The following PCDHGB2 variants were observed in gnomAD, a reference collection of about 807,000 sequenced individuals.
The protein encoded by PCDHGB2 is protocadherin gamma-B2.
Under a neutral mutation model 59.3 loss-of-function variants are expected in PCDHGB2, and 55 were observed. The ratio of observed to expected loss-of-function variants is 0.93; its 90% CI spans 0.75 to 1.16. PCDHGB2 has a LOEUF of 1.16. Among genes scored for constraint, PCDHGB2 ranks in the 50% most tolerant of loss-of-function variants. The pLI is 0.00. For synonymous variants in PCDHGB2, 516 were observed against 512.0 expected (o/e 1.01, Z -0.11); for missense variants, 1,228 against 1,198.5 (o/e 1.02, Z -0.36).
chr5:141,489,894 G>T lies in PCDHGB2; in HGVS notation c.2422-4913G>T. 1.2e-6 allele frequency: 2 copies of T among 1,614,204 alleles called. No homozygotes were observed. Among genetic ancestry groups the T allele is most frequent in the Non-Finnish European group, 1.7e-6 (2 of 1,180,028 alleles). The stretch of plus-strand genomic sequence containing the variant: ...TGGTGCTTACTGCTGTGGATGGGGG[G>T]ACCCCAGCCCGCTCAGGGACCACCC... On this transcript the variant is annotated intron_variant, in intron 1 of 3. Transcript: ENST00000522605. The surrounding 1 kb of genome is among the most constrained non-coding windows in gnomAD (Gnocchi z 4.5).
At chr5:141,372,956 T>C in intron 1 of PCDHGB2, 1 of 730,732 alleles carries the variant, frequency 1.4e-6, no homozygotes, top group Non-Finnish European at 2.1e-6. Flanking sequence ...GGAAATTCTT[T>C]GTAGAATTTC....
intron 1 of PCDHGB2, chr5:141,371,080 G>A: frequency 1.2e-6 from 2 of 1,613,876 alleles, no homozygotes; most frequent in Non-Finnish European, 1.7e-6. Flanking sequence ...ACCCAGATCA[G>A]GGTAATTGTC....
chr5:141,393,023 T>G (rs372159245), intron 1 of PCDHGB2: 22 of 1,613,668 alleles, frequency 1.4e-5, no homozygotes, highest in Non-Finnish European at 1.7e-5. Flanking sequence ...TCTCCAGAGG[T>G]AGGACGCAGC....
intron 1 of PCDHGB2, among the ~76,000 whole-genome samples, chr5:141,464,504 T>A (rs1264652523): frequency 6.6e-6 from 1 of 152,046 alleles, no homozygotes; most frequent in Non-Finnish European, 1.5e-5. Context: ...GATTGCTGCA[T>A]CATAAGGTAA....
At chr5:141,459,490 T>C (rs2098968649) in intron 1 of PCDHGB2, among the ~76,000 whole-genome samples, 1 of 152,236 alleles carries the variant, frequency 6.6e-6, no homozygotes, top group Non-Finnish European at 1.5e-5. Context: ...TATTCTGAAT[T>C]AAAGTGATGT....
intron 1 of PCDHGB2, chr5:141,409,449 C>A (rs1317609642): frequency 6.2e-7 from 1 of 1,613,934 alleles, no homozygotes; most frequent in South Asian, 1.1e-5. Flanking sequence ...GAGCAGACAC[C>A]AGAATACAAT....
intron 1 of PCDHGB2, among the ~76,000 whole-genome samples, chr5:141,455,594 G>A (rs1263100982): frequency 6.6e-6 from 1 of 152,112 alleles, no homozygotes; most frequent in Non-Finnish European, 1.5e-5. Context: ...ATATGCAAAC[G>A]TAGGGCGCCA....
Position 141,487,925 on chromosome 5 carries a change from C to T in PCDHGB2, c.2422-6882C>T. 4.8e-6 allele frequency: 3 copies of T among 629,734 alleles called. No homozygotes were observed. The highest frequency in any genetic ancestry group is 8.3e-6 in the Non-Finnish European group (3 of 362,440). 39.0% of individuals were successfully genotyped at this position (629,734 alleles called of 1,614,324 possible). On this transcript the variant is annotated intron_variant, in intron 1 of 3. Coordinates refer to ENST00000522605, the MANE Select transcript of PCDHGB2 (RefSeq NM_018923.3). The surrounding 1 kb of genome is among the most constrained non-coding windows in gnomAD (Gnocchi z 5.0). ...TGTGGGAGCACAGGAGGCTACAGTGCACAGGGTACAGTGCACCAGGCAGTC... is the reference window on the plus strand; with the variant it reads ...TGTGGGAGCACAGGAGGCTACAGTGTACAGGGTACAGTGCACCAGGCAGTC...
chr5:141,400,502 A>C, intron 1 of PCDHGB2: 1 of 1,614,020 alleles, frequency 6.2e-7, no homozygotes, highest in Non-Finnish European at 8.5e-7. Flanking sequence ...AATTCCAGCG[A>C]GTCGACTTCC....
chr5:141,441,800 G>T, intron 1 of PCDHGB2: 1 of 382,594 alleles, frequency 2.6e-6, no homozygotes, highest in Non-Finnish European at 5.2e-6. Flanking sequence ...ACGCACCGCG[G>T]GTGCTGTACC....
rs751047365 is a variant in PCDHGB2 at position 141,419,570 on chromosome 5, G to C, written c.2421+57014G>C. On this transcript the variant is annotated intron_variant, in intron 1 of 3. Transcript: ENST00000522605. ...GCTGTACCCTGCGCTGGGTCCCGAC[G>C]GCTCCGCGCTCTTCGACACAGTGCC... 5.6e-6 allele frequency: 9 copies of C among 1,611,766 alleles called. No individual in the cohort carries two copies. The South Asian group carries it at 8.8e-5, about 16-fold the overall frequency.
chr5:141,384,753 G>A, intron 1 of PCDHGB2: 2 of 1,614,010 alleles, frequency 1.2e-6, no homozygotes, highest in Non-Finnish European at 1.7e-6. Flanking sequence ...GACTCTTTGC[G>A]GTTGGGCTGT....
intron 3 of PCDHGB2, among the ~76,000 whole-genome samples, chr5:141,509,022 C>G (rs2099873807): frequency 6.6e-6 from 1 of 152,206 alleles, no homozygotes; most frequent in East Asian, 1.9e-4. Context: ...CAGCTGCTCC[C>G]TCCCACTCAA....
chr5:141,368,577 T>G (rs1765736548), intron 1 of PCDHGB2, among the ~76,000 whole-genome samples: 1 of 152,068 alleles, frequency 6.6e-6, no homozygotes, highest in Admixed American at 6.5e-5. Flanking sequence ...CTTCTTAGGG[T>G]AAGGTGTTTG....
intron 1 of PCDHGB2, among the ~76,000 whole-genome samples, chr5:141,444,357 G>C (rs1258703336): frequency 3.3e-5 from 5 of 151,798 alleles, no homozygotes; most frequent in African/African-American, 9.7e-5. Flanking sequence ...TTTTAGTAGA[G>C]ACGGGGTTTC....
chr5:141,410,399 G>A, intron 1 of PCDHGB2: 1 of 1,614,044 alleles, frequency 6.2e-7, no homozygotes. Flanking sequence ...TGGTCTCTGT[G>A]TCAAGTCTGG....
chr5:141,410,719 A>G, intron 1 of PCDHGB2: 3 of 1,407,980 alleles, frequency 2.1e-6, no homozygotes, highest in Non-Finnish European at 2.9e-6. Context: ...TCATATGTTT[A>G]AAATCCATAG....
At chr5:141,410,097 T>G (rs745439318) in intron 1 of PCDHGB2, 3 of 1,612,664 alleles carry the variant, frequency 1.9e-6, no homozygotes, top group Non-Finnish European at 2.5e-6. Context: ...GCTCGAGCCT[T>G]AGGCGACAGG....
At chr5:141,398,121 A>C (rs554777335) in intron 1 of PCDHGB2, 28 of 1,590,306 alleles carry the variant, frequency 1.8e-5, no homozygotes, top group Admixed American at 3.6e-5. Context: ...TGAGGAGAGC[A>C]AGAGGGATGG....
Sources: gnomAD v4.1 joint callset for allele counts (sites outside exome capture counted in the v4.1 genomes callset) on GRCh38, gnomAD v4.1.1 for gene constraint, Gnocchi (gnomAD v3.1) non-coding constraint, MANE v1.5 for transcripts, NCBI Gene and HGNC (gene_info 2026-07-23, HGNC 2026-07-21) for gene names.